CSMD1: variants seen among roughly 807,000 people sequenced by gnomAD.
The protein encoded by CSMD1 is CUB and sushi domain-containing protein 1.
CSMD1 carries 213 observed loss-of-function variants against 417.5 expected under a neutral mutation model. That is an observed-to-expected ratio of 0.51 (90% CI 0.46 to 0.57). The LOEUF (loss-of-function observed/expected upper bound fraction) is 0.57, where lower values mean the gene tolerates loss of function less well. Among genes scored for constraint, CSMD1 ranks in the 20% least tolerant of loss-of-function variants. The probability of loss-of-function intolerance (pLI) is 0.00; values close to 1 mark genes in which losing one functional copy is unlikely to be tolerated. For missense variants in CSMD1, 6,923 were observed against 4,529.7 expected (o/e 1.53, Z -15.17); for synonymous variants, 2,862 against 1,736.8 (o/e 1.65, Z -16.11).
intron 12 of CSMD1, among the ~76,000 whole-genome samples, chr8:3,451,978 C>G (rs772548672): frequency 2.0e-5 from 3 of 152,122 alleles, no homozygotes; most frequent in Non-Finnish European, 2.9e-5. Context: ...TGTTTGTCTC[C>G]TCTTTTATTT....
Position 4,868,574 on chromosome 8 carries a change from C to A in CSMD1, c.85+125758G>T, listed in dbSNP as rs918284473. 4.6e-5 allele frequency among the ~76,000 whole-genome samples: 7 copies of A among 151,958 alleles called. 1 individual carries two copies. Among genetic ancestry groups the A allele is most frequent in the Admixed American group, 2.0e-4 (3 of 15,250 alleles). On this transcript the variant is annotated intron_variant, in intron 1 of 69. Coordinates refer to ENST00000635120, the MANE Select transcript of CSMD1 (RefSeq NM_033225.6). Reference sequence around the variant, plus strand: ...TATTGTTACCGTTATTATTAAAAAACCAATCATTTTCATTCGTCTAAATTG... The same window carrying A: ...TATTGTTACCGTTATTATTAAAAAAACAATCATTTTCATTCGTCTAAATTG...
chr8:4,154,848 G>A (rs1796748841), intron 3 of CSMD1, among the ~76,000 whole-genome samples: 1 of 152,176 alleles, frequency 6.6e-6, no homozygotes, highest in Admixed American at 6.5e-5. Flanking sequence ...AAAGCTTTCT[G>A]ATTTGTTGAT....
intron 2 of CSMD1, among the ~76,000 whole-genome samples, chr8:4,606,110 C>T (rs575688624): frequency 6.6e-6 from 1 of 152,104 alleles, no homozygotes; most frequent in African/African-American, 2.4e-5. Context: ...ATTGATCGAG[C>T]TGAAATGACT....
chr8:3,114,646 A>G (rs1451246686), intron 42 of CSMD1, among the ~76,000 whole-genome samples: 1 of 152,000 alleles, frequency 6.6e-6, no homozygotes, highest in South Asian at 2.1e-4. Flanking sequence ...TTGGTAATGG[A>G]GATTTTAAAG....
chr8:4,360,481 A>C (rs573558468), intron 3 of CSMD1, among the ~76,000 whole-genome samples: 5 of 152,168 alleles, frequency 3.3e-5, no homozygotes, highest in Admixed American at 1.3e-4. Flanking sequence ...TTTCTTGCAC[A>C]TACTTCCTGT....
At chr8:4,957,993 T>C (rs1440503149) in intron 1 of CSMD1, among the ~76,000 whole-genome samples, 1 of 152,184 alleles carries the variant, frequency 6.6e-6, no homozygotes, top group Non-Finnish European at 1.5e-5. Context: ...CATAATTGTG[T>C]GATGTCAACA....
chr8:4,411,906 T>C (rs576039000), intron 3 of CSMD1, among the ~76,000 whole-genome samples: 1 of 152,178 alleles, frequency 6.6e-6, no homozygotes, highest in South Asian at 2.1e-4. Context: ...CTGAGGTCAA[T>C]ACACATAGGA....
intron 2 of CSMD1, among the ~76,000 whole-genome samples, chr8:4,528,136 A>G (rs1796613869): frequency 6.6e-6 from 1 of 152,146 alleles, no homozygotes. Flanking sequence ...CCTTTTAAGG[A>G]CTATTTCTAA....
chr8:4,213,764 T>A (rs1341442055), intron 3 of CSMD1, among the ~76,000 whole-genome samples: 1 of 152,174 alleles, frequency 6.6e-6, no homozygotes, highest in Non-Finnish European at 1.5e-5. Context: ...GAGATGGGGT[T>A]CCCTGCCAGC....
At chr8:3,709,685 T>A (rs1441480301) in intron 6 of CSMD1, among the ~76,000 whole-genome samples, 5 of 110,152 alleles carry the variant, frequency 4.5e-5, no homozygotes, top group Admixed American at 9.2e-5. Context: ...AGCATGTTTT[T>A]TTTTTTTTTT....
At chr8:4,873,401 A>G (rs1802852350) in intron 1 of CSMD1, among the ~76,000 whole-genome samples, 2 of 152,172 alleles carry the variant, frequency 1.3e-5, no homozygotes, top group Admixed American at 1.3e-4. Flanking sequence ...CCGGACACTC[A>G]GCAGGAAATC....
chr8:4,844,194 A>G lies in CSMD1; in HGVS notation c.85+150138T>C, dbSNP rs558170962. 2.6e-5 allele frequency among the ~76,000 whole-genome samples: 4 copies of G among 152,306 alleles called. No homozygotes were observed. In the East Asian group the frequency reaches 5.8e-4, roughly 22 times the overall value. ...TACTACACGTAGCACTGGAAAAAAA[A>G]GTGTTAGTTGTAGGCACCTGGTAAT... On this transcript the variant is annotated intron_variant, in intron 1 of 69. Transcript: ENST00000635120.
At chr8:4,773,841 G>T (rs541327290) in intron 1 of CSMD1, among the ~76,000 whole-genome samples, 8 of 152,212 alleles carry the variant, frequency 5.3e-5, no homozygotes, top group African/African-American at 1.9e-4. Flanking sequence ...AAATTTAATT[G>T]TGTGAATTAC....
chr8:4,513,366 C>T (rs969235882), intron 2 of CSMD1, among the ~76,000 whole-genome samples: 4 of 152,022 alleles, frequency 2.6e-5, no homozygotes, highest in Admixed American at 6.6e-5. Context: ...GCTACTATAG[C>T]GATGCTAATT....
At chr8:3,197,731 T>G (rs1215500820) in intron 33 of CSMD1, among the ~76,000 whole-genome samples, 3 of 152,186 alleles carry the variant, frequency 2.0e-5, no homozygotes, top group Non-Finnish European at 4.4e-5. Flanking sequence ...CCCAAAGTGC[T>G]GGGATTACAG....
At chr8:3,894,873 T>C (rs1807249819) in intron 5 of CSMD1, among the ~76,000 whole-genome samples, 1 of 152,328 alleles carries the variant, frequency 6.6e-6, no homozygotes, top group South Asian at 2.1e-4. Flanking sequence ...TTTTCACACC[T>C]GTCTTATAAA....
chr8:3,351,139 A>G lies in CSMD1; in HGVS notation c.3305-2978T>C, dbSNP rs984719913. ...GAGATGCAATTAAGATTTCTCAGTG[A>G]ATATGTAATAATAGCTCATTTATTC... On this transcript the variant is annotated intron_variant, in intron 21 of 69. Transcript: ENST00000635120. Among the ~76,000 whole-genome samples, 8 of 152,318 alleles carry G rather than the reference A, an allele frequency of 5.3e-5. No homozygotes were observed. In the East Asian group the frequency reaches 5.8e-4, roughly 11 times the overall value.
chr8:3,842,947 AC>A (rs771921947), intron 5 of CSMD1, among the ~76,000 whole-genome samples: 5 of 152,192 alleles, frequency 3.3e-5, no homozygotes, highest in African/African-American at 2.4e-5. Context: ...AATTGAAACT[AC>A]AAAAAGTCAA....
intron 5 of CSMD1, among the ~76,000 whole-genome samples, chr8:3,826,975 T>A (rs1487374148): frequency 1.3e-5 from 2 of 151,912 alleles, no homozygotes; most frequent in African/African-American, 4.8e-5. Flanking sequence ...AGAGACAGAG[T>A]GTTGCTATGT....
Sources: gnomAD v4.1 joint callset for allele counts (sites outside exome capture counted in the v4.1 genomes callset) on GRCh38, gnomAD v4.1.1 for gene constraint, MANE v1.5 for transcripts, NCBI Gene and HGNC (gene_info 2026-07-23, HGNC 2026-07-21) for gene names.